REM1: variants seen among roughly 807,000 people sequenced by gnomAD.
REM1 encodes GTP-binding protein REM 1.
In REM1, 20 loss-of-function variants were observed where a neutral mutation model predicts 27.0. The observed-to-expected ratio is 0.74, with a 90% CI of 0.52 to 1.08. REM1 has a LOEUF of 1.08. REM1 is among the 50% of genes least tolerant of loss of function. The pLI, the probability that REM1 is intolerant of heterozygous loss-of-function variation, is 0.00. For synonymous variants in REM1, 159 were observed against 167.9 expected, an observed-to-expected ratio of 0.95 and a Z score of 0.41; for missense variants, 405 against 407.0, an observed-to-expected ratio of 1.00 and a Z score of 0.04.
intron 3 of REM1, among the ~76,000 whole-genome samples, chr20:31,479,103 G>A (rs139547499): frequency 0.011 from 1,668 of 152,226 alleles, 34 homozygotes; most frequent in African/African-American, 0.038. Context: ...CCAAAGTGCT[G>A]GGATTACAGG....
chr20:31,484,255 G>T lies in REM1; in HGVS notation c.722G>T (p.Arg241Leu). 1.2e-6 allele frequency: 2 copies of T among 1,602,046 alleles called. No homozygotes were observed. Among genetic ancestry groups the T allele is most frequent in the Admixed American group, 1.7e-5 (1 of 58,190 alleles). Reference sequence around the variant, plus strand: ...GCCGAGCTCTTCGAGGGCGTGGTGCGCCAACTGCGCTTGCGCCGCCGGGAC... The same window carrying T: ...GCCGAGCTCTTCGAGGGCGTGGTGCTCCAACTGCGCTTGCGCCGCCGGGAC... ...NVAELFEGVV[R>L]QLRLRRRDSA... Residue 241 changes from arginine (R) to leucine (L), a missense_variant, in exon 5 of 5, where the codon CGC (arginine) becomes CTC (leucine). Arg to Leu is a moderately radical substitution (Grantham distance 102, BLOSUM62 -2). Coordinates refer to ENST00000201979, the MANE Select transcript of REM1 (RefSeq NM_014012.6).
At chr20:31,479,201 G>A (rs1322702609) in intron 3 of REM1, among the ~76,000 whole-genome samples, 1 of 152,162 alleles carries the variant, frequency 6.6e-6, no homozygotes, top group Non-Finnish European at 1.5e-5. Flanking sequence ...TCCCCCTCAA[G>A]AGCATCACCT....
Position 31,476,335 on chromosome 20 carries a change from G to A in REM1, c.-111G>A. The A allele has an allele frequency of 1.2e-6, 1 of 859,136 alleles. No individual in the cohort carries two copies. Among genetic ancestry groups the A allele is most frequent in the Non-Finnish European group, 1.8e-6 (1 of 540,826 alleles). The allele number at this position is 859,136 out of a possible 1,614,324, so 53.2% of individuals were successfully genotyped here. On this transcript the variant is annotated 5_prime_UTR_variant, in exon 2 of 5. Transcript: ENST00000201979. Reference sequence around the variant, plus strand: ...AGGGGGATCTGGAAGAAGCCATACAGCAGCTCATCAGGACACTATAGAAAG... The same window carrying A: ...AGGGGGATCTGGAAGAAGCCATACAACAGCTCATCAGGACACTATAGAAAG...
rs549164442 is a variant in REM1 at position 31,475,453 on chromosome 20, AG to A, written c.-220+89del. On this transcript the variant is annotated intron_variant, in intron 1 of 4. Coordinates refer to ENST00000201979, the MANE Select transcript of REM1 (RefSeq NM_014012.6). The surrounding 1 kb of genome is among the most constrained non-coding windows in gnomAD (Gnocchi z 5.0). ...TGAAGGGGGATTCGGCAGCGTTGGC[AG>A]GAATAGGGGGGCTTCGAAACCGCGT... 1 of 152,422 alleles carries A rather than the reference AG, an allele frequency of 6.6e-6. No homozygotes were observed. The highest frequency in any genetic ancestry group is 2.1e-4 in the South Asian group (1 of 4,836). The allele number at this position is 152,422 out of a possible 1,614,324, so 9.4% of individuals were successfully genotyped here. A position where few individuals can be genotyped will look rare whatever the true frequency, so the allele number is the denominator to read the frequency against.
At chr20:31,484,094 T>C (rs1373002904) in intron 4 of REM1, 65 bp from the exon 5 acceptor site, 1 of 1,479,960 alleles carries the variant, frequency 6.8e-7, no homozygotes, top group African/African-American at 1.4e-5. Flanking sequence ...AACACATCTC[T>C]TCCTACCTTT....
intron 3 of REM1, among the ~76,000 whole-genome samples, chr20:31,480,188 A>AAGGTAGATAGAT (rs1980668011): frequency 6.7e-6 from 1 of 150,052 alleles, no homozygotes. Context: ...CATCTCAATA[A>AAGGTAGATAGAT]AGATAGATAG....
intron 4 of REM1, among the ~76,000 whole-genome samples, chr20:31,482,951 C>T (rs1980784881): frequency 6.6e-6 from 1 of 152,138 alleles, no homozygotes; most frequent in Non-Finnish European, 1.5e-5. Context: ...TTTGGCAACA[C>T]AGCAAGACCT....
In REM1 at chr20:31,482,477, T is replaced by C; in HGVS notation, c.614T>C (p.Val205Ala). Reference protein sequence around the residue: ...NKADLARCREVSVEEGRACAV... With the variant: ...NKADLARCREASVEEGRACAV... The stretch of plus-strand genomic sequence containing the variant: ...GCAGACTTGGCCCGCTGCCGAGAAG[T>C]CTCTGTGGAAGGTGAGCCCTCCATC... The change falls in exon 4 of 5, where the codon GTC becomes GCC. Residue 205 changes from valine to alanine, a missense_variant. Coordinates refer to ENST00000201979, the MANE Select transcript of REM1 (RefSeq NM_014012.6). 2.5e-6 allele frequency: 4 copies of C among 1,614,022 alleles called. No homozygotes were observed. Among genetic ancestry groups the C allele is most frequent in the Non-Finnish European group, 3.4e-6 (4 of 1,179,974 alleles).
chr20:31,476,793 C>A lies in REM1; in HGVS notation c.340+8C>A, dbSNP rs1429693188. The A allele has an allele frequency of 6.3e-7, 1 of 1,596,766 alleles. No homozygotes were observed. Among genetic ancestry groups the A allele is most frequent in the Non-Finnish European group, 8.5e-7 (1 of 1,171,768 alleles). ...TCCATGAACAGCTGGGAGGTAGGGG[C>A]CATATGGGCTGGGCTGGGATGTGGC... On this transcript the variant is annotated splice_region_variant and intron_variant, in intron 2 of 4. Coordinates refer to ENST00000201979, the MANE Select transcript of REM1 (RefSeq NM_014012.6).
intron 2 of REM1, 32 bp downstream of exon 2, chr20:31,476,817 G>T (rs1226070434): frequency 2.6e-6 from 4 of 1,544,012 alleles, no homozygotes; most frequent in Non-Finnish European, 3.5e-6. Context: ...CTGGGATGTG[G>T]CCAAAGGAGC....
intron 3 of REM1, among the ~76,000 whole-genome samples, chr20:31,481,574 T>C (rs1376107327): frequency 6.6e-6 from 1 of 152,174 alleles, no homozygotes; most frequent in Non-Finnish European, 1.5e-5. Flanking sequence ...TTCCAGACCA[T>C]GAGCTTTTGG....
At chr20:31,480,025 G>T (rs1308464966) in intron 3 of REM1, among the ~76,000 whole-genome samples, 1 of 152,108 alleles carries the variant, frequency 6.6e-6, no homozygotes. Context: ...GGAGGCAGAG[G>T]TTGCGGTAAG....
At chr20:31,479,128 C>T (rs1980629478) in intron 3 of REM1, among the ~76,000 whole-genome samples, 2 of 152,210 alleles carry the variant, frequency 1.3e-5, no homozygotes, top group African/African-American at 4.8e-5. Context: ...AGCCACCATG[C>T]CCGGCCGAGG....
intron 1 of REM1, among the ~76,000 whole-genome samples, 188 bp from the exon 2 acceptor site, chr20:31,476,039 G>T (rs1372159007): frequency 1.3e-5 from 2 of 152,234 alleles, no homozygotes; most frequent in Non-Finnish European, 2.9e-5. Context: ...CTCATGTTCT[G>T]TGGCAAGGGC....
At position 31,476,539 on chromosome 20, in the gene REM1, C is replaced by T. The variant is rs766761263; in HGVS notation, c.94C>T (p.Arg32Cys). Residue 32 changes from arginine (R) to cysteine (C), a missense_variant, in exon 2 of 5, where the codon CGC becomes TGC. Coordinates refer to ENST00000201979, the MANE Select transcript of REM1 (RefSeq NM_014012.6). ...PLSPRGHQPGRLSTVPSTQSQ... is the reference protein window; with the variant it reads ...PLSPRGHQPGCLSTVPSTQSQ... ...GTCCCCACGGGGCCACCAGCCTGGC[C>T]GCCTGAGCACAGTGCCTTCCACTCA... The T allele has an allele frequency of 1.5e-4, 236 of 1,614,164 alleles. 1 individual carries two copies. In the South Asian group the frequency reaches 2.5e-3, roughly 17 times the overall value.
intron 3 of REM1, among the ~76,000 whole-genome samples, chr20:31,480,588 G>T (rs1390633248): frequency 6.6e-6 from 1 of 152,134 alleles, no homozygotes; most frequent in Non-Finnish European, 1.5e-5. Flanking sequence ...CTCCCAAAGT[G>T]CTGGGATTAC....
chr20:31,476,525 G>T lies in REM1; in HGVS notation c.80G>T (p.Gly27Val), dbSNP rs1236969004. ...ACCCCACTGCCCCTGTCCCCACGGG[G>T]CCACCAGCCTGGCCGCCTGAGCACA... ...ASTPLPLSPR[G>V]HQPGRLSTVP... The change falls in exon 2 of 5, where the codon GGC becomes GTC. Residue 27 changes from glycine to valine, a missense_variant. By Grantham distance (109) the Gly-to-Val change is moderately radical. Transcript: ENST00000201979. The T allele has an allele frequency of 6.2e-7, 1 of 1,613,852 alleles. No individual in the cohort carries two copies. The highest frequency in any genetic ancestry group is 8.5e-7 in the Non-Finnish European group (1 of 1,179,976).
At chr20:31,480,188 AAGAT>A (rs11467647) in intron 3 of REM1, among the ~76,000 whole-genome samples, 45,307 of 149,956 alleles carry the variant, frequency 0.3, 7,121 homozygotes, top group Non-Finnish European at 0.35. Context: ...CATCTCAATA[AAGAT>A]AGATAGATAG....
Position 31,475,961 on chromosome 20 carries a change from A to C in REM1, c.-219-266A>C, listed in dbSNP as rs377471510. ...ACCTGAAACTGCACTCCCAACCCAG[A>C]AGCTGTGAAAGAGAGCGGTGGGGAA... On this transcript the variant is annotated intron_variant, in intron 1 of 4. Coordinates refer to ENST00000201979, the MANE Select transcript of REM1 (RefSeq NM_014012.6). This position sits in a 1 kb window ranked among gnomAD's most constrained non-coding sequence, Gnocchi z 5.0. 2.6e-4 allele frequency among the ~76,000 whole-genome samples: 40 copies of C among 152,282 alleles called. No individual in the cohort carries two copies. In the East Asian group the frequency reaches 5.4e-3, roughly 21 times the overall value.
Sources: allele counts gnomAD v4.1 joint callset (sites outside exome capture counted in the v4.1 genomes callset), GRCh38; gene constraint gnomAD v4.1.1; non-coding constraint Gnocchi (gnomAD v3.1); transcripts MANE v1.5; gene names NCBI Gene and HGNC (gene_info 2026-07-23, HGNC 2026-07-21).